Variants in EXD3 observed in about 807,000 individuals in gnomAD.
EXD3 encodes exonuclease 3'-5' domain containing 3.
A neutral mutation model predicts 98.0 loss-of-function variants in EXD3; 92 were observed. The ratio of observed to expected loss-of-function variants is 0.94; its 90% CI spans 0.79 to 1.12. The LOEUF is 1.12. Among genes scored for constraint, EXD3 ranks in the 50% most tolerant of loss-of-function variants. The pLI is 0.00. For synonymous variants in EXD3, 569 were observed against 526.0 expected (o/e 1.08, Z -1.12); for missense variants, 1,222 against 1,191.6 (o/e 1.03, Z -0.38).
At chr9:137,411,142 CG>C (rs761671279) in intron 1 of EXD3, among the ~76,000 whole-genome samples, 104 of 152,312 alleles carry the variant, frequency 6.8e-4, no homozygotes, top group Admixed American at 2.0e-3. Context: ...GCCCCGAGGC[CG>C]GCCCCCCGGG....
intron 17 of EXD3, chr9:137,343,135 A>C (rs1390484089): frequency 3.3e-5 from 5 of 152,282 alleles, no homozygotes; most frequent in African/African-American, 7.2e-5. Context: ...AACAAACAAA[A>C]AAAGAATCAG....
intron 19 of EXD3, among the ~76,000 whole-genome samples, chr9:137,319,743 C>T (rs937367344): frequency 6.6e-6 from 1 of 152,228 alleles, no homozygotes; most frequent in African/African-American, 2.4e-5. Context: ...ATTCTCCCAC[C>T]TGGTGACCTG....
At chr9:137,375,070 GCGATCTCGA>G (rs1286073050) in intron 3 of EXD3, among the ~76,000 whole-genome samples, 2 of 151,716 alleles carry the variant, frequency 1.3e-5, no homozygotes, top group Non-Finnish European at 2.9e-5. Context: ...GTGCAGTGGC[GCGATCTCGA>G]CTCACTGCAA....
intron 2 of EXD3, among the ~76,000 whole-genome samples, chr9:137,391,054 G>A (rs961388836): frequency 3.3e-5 from 5 of 152,198 alleles, no homozygotes; most frequent in African/African-American, 7.2e-5. Context: ...TGGCCTGCTC[G>A]GCATGGAGAG....
chr9:137,390,956 C>T (rs1453250709), intron 2 of EXD3, among the ~76,000 whole-genome samples: 2 of 152,234 alleles, frequency 1.3e-5, no homozygotes, highest in East Asian at 1.9e-4. Context: ...CCTGTGACCT[C>T]GTCGTGGGAC....
chr9:137,362,540 C>T (rs1259117310), intron 7 of EXD3, among the ~76,000 whole-genome samples: 5 of 150,006 alleles, frequency 3.3e-5, no homozygotes, highest in Non-Finnish European at 7.4e-5. Flanking sequence ...CTCACTCTGT[C>T]CCCGGAGCGC....
At chr9:137,355,649 A>AGGAGGAAG (rs1834698855) in intron 8 of EXD3, among the ~76,000 whole-genome samples, 1 of 125,028 alleles carries the variant, frequency 8.0e-6, no homozygotes, top group African/African-American at 3.1e-5. Flanking sequence ...GGAAGGAGGA[A>AGGAGGAAG]GGAGGAAGGA....
intron 17 of EXD3, among the ~76,000 whole-genome samples, chr9:137,344,427 C>T (rs1230557080): frequency 2.0e-5 from 3 of 152,108 alleles, no homozygotes; most frequent in African/African-American, 2.4e-5. Flanking sequence ...CAGTGGCTGA[C>T]GAGACATGTC....
intron 10 of EXD3, 74 bp from the exon 11 acceptor site, chr9:137,352,860 C>A: frequency 1.3e-6 from 2 of 1,500,742 alleles, no homozygotes; most frequent in East Asian, 2.5e-5. Context: ...GAGGGACCCC[C>A]GTAGACCCCG....
intron 7 of EXD3, chr9:137,365,890 TGCAG>T (rs1835219565): frequency 2.6e-6 from 1 of 383,312 alleles, no homozygotes; most frequent in Non-Finnish European, 5.1e-6. Context: ...CACACACACC[TGCAG>T]GCACACACAT....
chr9:137,376,604 C>T (rs1835917614), intron 3 of EXD3, among the ~76,000 whole-genome samples: 1 of 152,036 alleles, frequency 6.6e-6, no homozygotes, highest in Non-Finnish European at 1.5e-5. Context: ...CAGAGACCCC[C>T]CCACCTGCTC....
At chr9:137,379,934 G>A (rs900561654) in intron 3 of EXD3, among the ~76,000 whole-genome samples, 33 of 151,918 alleles carry the variant, frequency 2.2e-4, no homozygotes, top group African/African-American at 6.3e-4. Context: ...TGCCCACGTC[G>A]GCCAGCGCAA....
intron 17 of EXD3, among the ~76,000 whole-genome samples, chr9:137,335,675 T>C (rs1042382371): frequency 2.6e-5 from 4 of 151,824 alleles, no homozygotes; most frequent in African/African-American, 4.9e-5. Context: ...CTAGACTTCA[T>C]CTCAAAATAA....
At chr9:137,341,253 G>A (rs898671414) in intron 17 of EXD3, among the ~76,000 whole-genome samples, 1 of 152,182 alleles carries the variant, frequency 6.6e-6, no homozygotes, top group Middle Eastern at 3.2e-3. Context: ...CGATGTTGAG[G>A]CTGCAGTCAG....
intron 17 of EXD3, among the ~76,000 whole-genome samples, chr9:137,336,478 T>A (rs886172187): frequency 6.6e-6 from 1 of 152,036 alleles, no homozygotes; most frequent in Non-Finnish European, 1.5e-5. Context: ...CTGGCCAACA[T>A]GGCGAAACCT....
intron 1 of EXD3, among the ~76,000 whole-genome samples, chr9:137,414,980 A>G (rs762343378): frequency 7.4e-5 from 11 of 149,226 alleles, no homozygotes; most frequent in African/African-American, 2.7e-4. Flanking sequence ...CTTTGCCTCC[A>G]GGGTTCAAGT....
At chr9:137,343,982 C>A (rs1468823030) in intron 17 of EXD3, among the ~76,000 whole-genome samples, 3 of 148,654 alleles carry the variant, frequency 2.0e-5, no homozygotes, top group Non-Finnish European at 4.5e-5. Context: ...ATCTCCACCC[C>A]CTGGGTTCAC....
intron 1 of EXD3, among the ~76,000 whole-genome samples, chr9:137,417,913 C>A (rs909536371): frequency 2.0e-5 from 3 of 151,548 alleles, no homozygotes; most frequent in Non-Finnish European, 2.9e-5. Flanking sequence ...CTGGCGGGGC[C>A]GGAGGGGGTG....
chr9:137,417,632 G>A (rs1271040364), intron 1 of EXD3, among the ~76,000 whole-genome samples: 1 of 152,204 alleles, frequency 6.6e-6, no homozygotes, highest in Non-Finnish European at 1.5e-5. Context: ...CCGCAGAGGA[G>A]GAACGGCCGA....
Sources: allele counts gnomAD v4.1 joint callset (sites outside exome capture counted in the v4.1 genomes callset), GRCh38; gene constraint gnomAD v4.1.1; transcripts MANE v1.5; gene names NCBI Gene and HGNC (gene_info 2026-07-23, HGNC 2026-07-21).